The following EIF2A variants were observed in gnomAD, a reference collection of about 807,000 sequenced individuals.
EIF2A encodes eukaryotic translation initiation factor 2A, also known as 65 kDa eukaryotic translation initiation factor 2A.
EIF2A carries 62 observed loss-of-function variants against 75.2 expected under a neutral mutation model. The observed-to-expected ratio is 0.82, with a 90% CI of 0.67 to 1.02. The LOEUF (loss-of-function observed/expected upper bound fraction) is 1.02, where lower values mean the gene tolerates loss of function less well. Among genes scored for constraint, EIF2A ranks in the 50% least tolerant of loss-of-function variants. The probability of loss-of-function intolerance (pLI) is 0.00; values close to 1 mark genes in which losing one functional copy is unlikely to be tolerated. For synonymous variants in EIF2A, 207 were observed against 239.0 expected (o/e 0.87, Z 1.23); for missense variants, 611 against 677.7 (o/e 0.90, Z 1.09).
intron 3 of EIF2A, among the ~76,000 whole-genome samples, chr3:150,561,856 TCTC>T (rs1029369807): frequency 9.9e-5 from 15 of 150,922 alleles, no homozygotes; most frequent in African/African-American, 3.6e-4. Flanking sequence ...AGTGGCACGA[TCTC>T]AGCCCACTGC....
chr3:150,562,976 T>C (rs1217993043), intron 4 of EIF2A: 1 of 198,664 alleles, frequency 5.0e-6, no homozygotes, highest in Admixed American at 5.5e-5. Context: ...TAATAATGAC[T>C]TTTAAAATCA....
intron 6 of EIF2A, chr3:150,566,403 A>C (rs766368521): frequency 6.6e-6 from 1 of 152,186 alleles, no homozygotes; most frequent in Non-Finnish European, 1.5e-5. Context: ...GGAAACATTA[A>C]AAGGTAATAG....
intron 2 of EIF2A, among the ~76,000 whole-genome samples, chr3:150,554,814 G>C (rs984233678): frequency 6.6e-6 from 1 of 152,096 alleles, no homozygotes; most frequent in South Asian, 2.1e-4. Context: ...GGAAGCATGG[G>C]CCCAACCAAG....
chr3:150,572,030 T>G lies in EIF2A; in HGVS notation c.884T>G (p.Met295Arg). 1 of 1,614,030 alleles carries G rather than the reference T, an allele frequency of 6.2e-7. No homozygotes were observed. The highest frequency in any genetic ancestry group is 8.5e-7 in the Non-Finnish European group (1 of 1,179,904). Residue 295 changes from methionine (M) to arginine (R), a missense_variant, in exon 10 of 14, where the codon ATG becomes AGG. Physicochemically the swap from Met to Arg is moderately conservative, Grantham distance 91. Transcript: ENST00000460851. ...GAGTTTTGTGCTGTATATGGTTTTA[T>G]GCCTGCCAAAGCGACAATTTTCAAC... Reference protein sequence around the residue: ...STEFCAVYGFMPAKATIFNLK... With the variant: ...STEFCAVYGFRPAKATIFNLK...
Position 150,577,168 on chromosome 3 carries a change from G to T in EIF2A, c.1497+1406G>T, listed in dbSNP as rs564679368. On this transcript the variant is annotated intron_variant, in intron 11 of 13. Transcript: ENST00000460851. ...GGAAGGGGCAGTGGAGCTCTCTTTG[G>T]TCTCTTTTATAAAGCTACTAATCTC... Among the ~76,000 whole-genome samples, 13 of 152,230 alleles carry T rather than the reference G, an allele frequency of 8.5e-5. 1 individual carries two copies. In the South Asian group the frequency reaches 2.3e-3, roughly 27 times the overall value.
chr3:150,560,560 A>C (rs1723794044), intron 3 of EIF2A, among the ~76,000 whole-genome samples: 1 of 152,210 alleles, frequency 6.6e-6, no homozygotes, highest in African/African-American at 2.4e-5. Flanking sequence ...TATTTGCAGC[A>C]AGTTGTAAAG....
chr3:150,575,817 A>G (rs1724829483), intron 11 of EIF2A, 55 bp downstream of exon 11: 1 of 1,450,318 alleles, frequency 6.9e-7, no homozygotes, highest in South Asian at 1.3e-5. Context: ...GGCCGGGCGC[A>G]GTGGCTCACG....
chr3:150,554,849 G>C (rs1235330309), intron 2 of EIF2A, among the ~76,000 whole-genome samples: 1 of 152,190 alleles, frequency 6.6e-6, no homozygotes, highest in African/African-American at 2.4e-5. Flanking sequence ...CATCACTCCT[G>C]AGCCAGTACA....
chr3:150,548,409 C>G (rs531982271), intron 1 of EIF2A, among the ~76,000 whole-genome samples: 1 of 152,174 alleles, frequency 6.6e-6, no homozygotes, highest in African/African-American at 2.4e-5. Context: ...ATTCACTTGC[C>G]TTTCTCCCCT....
intron 6 of EIF2A, 179 bp from the exon 7 acceptor site, chr3:150,567,514 T>C (rs1361120409): frequency 2.5e-5 from 13 of 519,004 alleles, no homozygotes; most frequent in Non-Finnish European, 4.1e-5. Flanking sequence ...AATTGAAGCC[T>C]ACATTTGTCT....
At position 150,563,509 on chromosome 3, in the gene EIF2A, T is replaced by C; in HGVS notation, c.293-6T>C. The C allele has an allele frequency of 1.9e-6, 3 of 1,540,428 alleles. No homozygotes were observed. The highest frequency in any genetic ancestry group is 1.7e-6 in the Non-Finnish European group (2 of 1,143,648). On this transcript the variant is annotated splice_polypyrimidine_tract_variant and splice_region_variant and intron_variant, in intron 4 of 13. Coordinates refer to ENST00000460851, the MANE Select transcript of EIF2A (RefSeq NM_032025.5). ...CAATTACTGAAAAAAAGAAATTTTATTGCAGCTTCTAAAGATGGCACAGCT... is the reference window on the plus strand; with the variant it reads ...CAATTACTGAAAAAAAGAAATTTTACTGCAGCTTCTAAAGATGGCACAGCT...
chr3:150,562,073 T>C (rs1295348549), intron 3 of EIF2A, among the ~76,000 whole-genome samples: 2 of 151,804 alleles, frequency 1.3e-5, no homozygotes, highest in Non-Finnish European at 2.9e-5. Flanking sequence ...TTTTTTGAAG[T>C]TAAGGTATTT....
intron 2 of EIF2A, among the ~76,000 whole-genome samples, chr3:150,556,280 T>C (rs1186828819): frequency 1.3e-5 from 2 of 152,184 alleles, no homozygotes; most frequent in South Asian, 4.1e-4. Flanking sequence ...TGGTGAGTTA[T>C]TATACAGTAG....
rs1249426479 is a variant in EIF2A, at chr3:150,581,627, A to G, written c.1507A>G (p.Ser503Gly). 2.6e-6 allele frequency: 4 copies of G among 1,550,984 alleles called. No individual in the cohort carries two copies. The East Asian group carries it at 9.8e-5, about 38-fold the overall frequency. The change falls in exon 12 of 14, where the codon AGT (serine) becomes GGT (glycine). Residue 503 changes from serine (S) to glycine (G), a missense_variant. Coordinates refer to ENST00000460851, the MANE Select transcript of EIF2A (RefSeq NM_032025.5). ...AKKAAKQEAR[S>G]DKSPDLAPTP... ...AAAATATTTCCTGCAGGAAGCAAGA[A>G]GTGACAAGAGTCCAGATTTGGCACC...
At chr3:150,570,259 A>C (rs973343897) in intron 9 of EIF2A, among the ~76,000 whole-genome samples, 2 of 152,190 alleles carry the variant, frequency 1.3e-5, no homozygotes, top group African/African-American at 4.8e-5. Flanking sequence ...TCCATAAATT[A>C]AGCAAAATGA....
intron 11 of EIF2A, among the ~76,000 whole-genome samples, chr3:150,581,151 A>G (rs1390659932): frequency 6.6e-6 from 1 of 152,238 alleles, no homozygotes; most frequent in East Asian, 1.9e-4. Flanking sequence ...CTTTAAGGGG[A>G]AAAAAGTTTT....
intron 3 of EIF2A, 122 bp from the exon 4 acceptor site, chr3:150,562,419 CA>C (rs5853482): frequency 0.35 from 193,327 of 547,444 alleles, 11,906 homozygotes; most frequent in East Asian, 0.45. Flanking sequence ...GACTCCATCT[CA>C]AAAAAAAAAA....
intron 10 of EIF2A, among the ~76,000 whole-genome samples, chr3:150,575,349 A>G (rs1051831766): frequency 6.6e-6 from 1 of 152,218 alleles, no homozygotes; most frequent in East Asian, 1.9e-4. Flanking sequence ...GTTGGTATCT[A>G]GTTTTCATAA....
At position 150,567,675 on chromosome 3, in the gene EIF2A, AT is replaced by A; in HGVS notation, c.476-15del. On this transcript the variant is annotated splice_polypyrimidine_tract_variant and intron_variant, in intron 6 of 13. Coordinates refer to ENST00000460851, the MANE Select transcript of EIF2A (RefSeq NM_032025.5). ...TAGGTTCTCTCATCAATCTGATTTA[AT>A]TTACTCTTTTTTTTAGACACAATTG... The A allele has an allele frequency of 6.7e-7, 1 of 1,484,206 alleles. No individual in the cohort carries two copies. The highest frequency in any genetic ancestry group is 2.5e-5 in the East Asian group (1 of 40,586). 91.9% of individuals were successfully genotyped at this position (1,484,206 alleles called of 1,614,324 possible).
Sources: allele counts gnomAD v4.1 joint callset (sites outside exome capture counted in the v4.1 genomes callset), GRCh38; gene constraint gnomAD v4.1.1; transcripts MANE v1.5; gene names NCBI Gene and HGNC (gene_info 2026-07-23, HGNC 2026-07-21).